ITPR3: variants seen among roughly 807,000 people sequenced by gnomAD.
ITPR3 encodes inositol 1,4,5-trisphosphate-gated calcium channel ITPR3.
Under a neutral mutation model 293.2 loss-of-function variants are expected in ITPR3, and 173 were observed. That is an observed-to-expected ratio of 0.59 (90% CI 0.52 to 0.67). The LOEUF (loss-of-function observed/expected upper bound fraction) is 0.67. ITPR3 is among the 30% of genes least tolerant of loss of function. ITPR3 has a pLI of 0.00. For synonymous variants in ITPR3, 1,295 were observed against 1,444.4 expected, an observed-to-expected ratio of 0.90 and a Z score of 2.35; for missense variants, 2,796 against 3,592.1, an observed-to-expected ratio of 0.78 and a Z score of 5.66.
chr6:33,649,517 G>A (rs578051318), intron 2 of ITPR3, among the ~76,000 whole-genome samples: 6 of 152,326 alleles, frequency 3.9e-5, no homozygotes, highest in Admixed American at 6.5e-5. Flanking sequence ...GAGCCACCGC[G>A]CCCAGCCTAT....
chr6:33,686,542 T>C, intron 43 of ITPR3, 23 bp downstream of exon 43: 4 of 1,564,446 alleles, frequency 2.6e-6, no homozygotes, highest in Non-Finnish European at 3.5e-6. Flanking sequence ...GGCAGGTGTG[T>C]GAGTGCTGGG....
chr6:33,665,095 A>G lies in ITPR3; in HGVS notation c.1291A>G (p.Ile431Val), dbSNP rs754159867. The change falls in exon 13 of 58, where the codon ATC becomes GTC. Residue 431 changes from isoleucine (I) to valine (V), a missense_variant. By Grantham distance (29) the Ile-to-Val change is conservative (BLOSUM62 3). Coordinates refer to ENST00000605930, the MANE Select transcript of ITPR3 (RefSeq NM_002224.4). ...CAAGGAGGACAAGGAGGCCTTTGCC[A>G]TCGTGTCAGTGCCCGTGTCTGAGAT... The part of the protein sequence containing the change: ...PTKEDKEAFA[I>V]VSVPVSEIRD... The G allele has an allele frequency of 1.4e-5, 22 of 1,613,938 alleles. No individual in the cohort carries two copies. The African/African-American group carries it at 2.9e-4, about 22-fold the overall frequency.
chr6:33,687,826 G>A lies in ITPR3; in HGVS notation c.6265-231G>A, dbSNP rs1355475501. 1.3e-5 allele frequency among the ~76,000 whole-genome samples: 2 copies of A among 152,146 alleles called. No homozygotes were observed. The highest frequency in any genetic ancestry group is 2.9e-5 in the Non-Finnish European group (2 of 68,014). ...GCTACACTTGGGCAGGACTGAGGAG[G>A]CCCCCGCTATCCTCTGGGATTCTCT... On this transcript the variant is annotated intron_variant, in intron 46 of 57. Coordinates refer to ENST00000605930, the MANE Select transcript of ITPR3 (RefSeq NM_002224.4). The surrounding 1 kb of genome is among the most constrained non-coding windows in gnomAD (Gnocchi z 5.3).
rs772326452 is a variant in ITPR3 at position 33,685,689 on chromosome 6, G to A, written c.5529G>A (p.Ser1843=). The A allele has an allele frequency of 3.7e-6, 6 of 1,601,976 alleles. No individual in the cohort carries two copies. The highest frequency in any genetic ancestry group is 1.1e-5 in the South Asian group (1 of 89,774). ...FSIPGSSSRY[S]LGPSLRRGHE... is the part of the protein sequence containing the mutation. ...TACCTGGCTCCTCATCCCGCTACTCGCTGGGCCCCAGCCTGCGCCGGGGGC... is the reference window on the plus strand; with the variant it reads ...TACCTGGCTCCTCATCCCGCTACTCACTGGGCCCCAGCCTGCGCCGGGGGC... The change falls in exon 41 of 58, where the codon TCG becomes TCA. Residue 1843 remains serine, a synonymous_variant. Coordinates refer to ENST00000605930, the MANE Select transcript of ITPR3 (RefSeq NM_002224.4).
intron 2 of ITPR3, among the ~76,000 whole-genome samples, chr6:33,647,720 A>G (rs975730526): frequency 1.3e-5 from 2 of 152,312 alleles, no homozygotes; most frequent in Non-Finnish European, 2.9e-5. Flanking sequence ...CATTCCACAC[A>G]TAGAGTTATG....
At chr6:33,648,546 T>C (rs1764119716) in intron 2 of ITPR3, among the ~76,000 whole-genome samples, 1 of 150,514 alleles carries the variant, frequency 6.6e-6, no homozygotes, top group South Asian at 2.1e-4. Flanking sequence ...CCTTTTTTTT[T>C]CTTCCTCATT....
intron 2 of ITPR3, among the ~76,000 whole-genome samples, chr6:33,648,724 C>T (rs968596633): frequency 2.0e-5 from 3 of 151,900 alleles, no homozygotes; most frequent in Non-Finnish European, 4.4e-5. Context: ...TCCCAAGTAG[C>T]TGGATCACAG....
intron 1 of ITPR3, among the ~76,000 whole-genome samples, chr6:33,622,811 G>A (rs1044730327): frequency 6.6e-6 from 1 of 152,166 alleles, no homozygotes. Context: ...GGGTTGCTGG[G>A]AGTTTAGCTT....
In ITPR3 at chr6:33,658,473, G is replaced by A. The variant is rs910177660; in HGVS notation, c.370-197G>A. On this transcript the variant is annotated intron_variant, in intron 4 of 57. Transcript: ENST00000605930. This position sits in a 1 kb window ranked among gnomAD's most constrained non-coding sequence, Gnocchi z 6.1. ...TGTGATCACCAGGGTGTCCATGGGG[G>A]TGTGCCTGTTGTGTGCACGTTTGTG... is the stretch of plus-strand genomic sequence containing the variant. 6.6e-6 allele frequency among the ~76,000 whole-genome samples: 1 copy of A among 152,198 alleles called. No individual in the cohort carries two copies. The highest frequency in any genetic ancestry group is 2.4e-5 in the African/African-American group (1 of 41,448).
intron 7 of ITPR3, 120 bp downstream of exon 7, chr6:33,659,669 C>T: frequency 1.3e-6 from 1 of 770,500 alleles, no homozygotes; most frequent in Admixed American, 2.2e-5. Context: ...AGCTTTGCAC[C>T]CCCCAGCCTC....
Position 33,684,833 on chromosome 6 carries a change from GC to G in ITPR3, c.5199del (p.Thr1734ProfsTer42). The G allele has an allele frequency of 6.2e-7, 1 of 1,614,024 alleles. No homozygotes were observed. The highest frequency in any genetic ancestry group is 8.5e-7 in the Non-Finnish European group (1 of 1,179,994). On this transcript the variant is annotated frameshift_variant, in exon 39 of 58. Coordinates refer to ENST00000605930, the MANE Select transcript of ITPR3 (RefSeq NM_002224.4). LOFTEE classifies it high-confidence loss of function. This position sits in a 1 kb window ranked among gnomAD's most constrained non-coding sequence, Gnocchi z 4.2. The stretch of plus-strand genomic sequence containing the variant: ...CCAGTGCCGGCTGGACAAGGAGGGG[GC>G]CACCAAGTTGGTATGCGACCTCATC... ...ATQCRLDKEG[A>X]TKLVCDLITS...
At chr6:33,623,354 T>C in intron 1 of ITPR3, among the ~76,000 whole-genome samples, 1 of 122,520 alleles carries the variant, frequency 8.2e-6, no homozygotes, top group African/African-American at 3.1e-5. Flanking sequence ...TAAGACAAGG[T>C]CTCACTTTCT....
chr6:33,671,886 G>A, intron 21 of ITPR3, 143 bp from the exon 22 acceptor site: 1 of 796,266 alleles, frequency 1.3e-6, no homozygotes, highest in Non-Finnish European at 2.0e-6. Context: ...TCCTGGGTTA[G>A]CCCTGTCCCT....
chr6:33,690,897 A>T lies in ITPR3; in HGVS notation c.7033-20A>T. 1.2e-6 allele frequency: 2 copies of T among 1,611,178 alleles called. No homozygotes were observed. The highest frequency in any genetic ancestry group is 2.2e-5 in the South Asian group (2 of 90,934). Reference sequence around the variant, plus strand: ...CCCAGCCCCTCAAGGTGCCATCCCTATCTCAACCCCATCCTGCAGCTCTTT... The same window carrying T: ...CCCAGCCCCTCAAGGTGCCATCCCTTTCTCAACCCCATCCTGCAGCTCTTT... On this transcript the variant is annotated intron_variant, in intron 51 of 57. Transcript: ENST00000605930.
At position 33,696,087 on chromosome 6, in the gene ITPR3, T is replaced by C; in HGVS notation, c.*307T>C. 1 of 360,984 alleles carries C rather than the reference T, an allele frequency of 2.8e-6. No homozygotes were observed. The highest frequency in any genetic ancestry group is 5.1e-6 in the Non-Finnish European group (1 of 196,174). The allele number at this position is 360,984 out of a possible 1,614,324, so 22.4% of individuals were successfully genotyped here. A position where few individuals can be genotyped will look rare whatever the true frequency, so the allele number is the denominator to read the frequency against. The stretch of plus-strand genomic sequence containing the variant: ...TCCTTAAAGCAATAACTGACAACTC[T>C]TTGTAGTCCTCCTTGTGGGTAGTTA... On this transcript the variant is annotated 3_prime_UTR_variant, in exon 58 of 58. Coordinates refer to ENST00000605930, the MANE Select transcript of ITPR3 (RefSeq NM_002224.4).
chr6:33,642,979 G>T (rs1291691304), intron 2 of ITPR3, among the ~76,000 whole-genome samples: 1 of 152,190 alleles, frequency 6.6e-6, no homozygotes, highest in South Asian at 2.1e-4. Context: ...TTTGGCTGGC[G>T]AGTACAAGTT....
chr6:33,665,681 G>A (rs1196383415), intron 13 of ITPR3, among the ~76,000 whole-genome samples, 154 bp from the exon 14 acceptor site: 3 of 150,826 alleles, frequency 2.0e-5, no homozygotes, highest in East Asian at 1.9e-4. Flanking sequence ...GGGGAAAGCC[G>A]GGAAGAGGAA....
In ITPR3 at chr6:33,675,743, C is replaced by G; in HGVS notation, c.3169C>G (p.Arg1057Gly). Residue 1057 changes from arginine (R) to glycine (G), a missense_variant, in exon 25 of 58, where the codon CGC becomes GGC. Around this residue, in one of 8 missense-constraint regions of ITPR3, gnomAD observed 955 missense variants for 1,180.8 expected, o/e 0.81. Transcript: ENST00000605930. This position sits in a 1 kb window ranked among gnomAD's most constrained non-coding sequence, Gnocchi z 5.0. ...VDDEGGRMFL[R>G]VLIHLTMHDY... Reference sequence around the variant, plus strand: ...TGACGAGGGCGGCCGCATGTTCCTGCGCGTGCTCATCCACCTCACCATGCA... The same window carrying G: ...TGACGAGGGCGGCCGCATGTTCCTGGGCGTGCTCATCCACCTCACCATGCA... 4 of 1,612,992 alleles carry G rather than the reference C, an allele frequency of 2.5e-6. No homozygotes were observed. Among genetic ancestry groups the G allele is most frequent in the Non-Finnish European group, 3.4e-6 (4 of 1,179,834 alleles).
At position 33,684,979 on chromosome 6, in the gene ITPR3, T is replaced by G. The variant is rs199500525; in HGVS notation, c.5307+36T>G. ...CCTGGGGCCTGGACATGCCCTCCTT[T>G]GCCTCCCTCCCTTTTTGGAGGAGGT... On this transcript the variant is annotated intron_variant, in intron 39 of 57. Coordinates refer to ENST00000605930, the MANE Select transcript of ITPR3 (RefSeq NM_002224.4). This position sits in a 1 kb window ranked among gnomAD's most constrained non-coding sequence, Gnocchi z 4.2. 10 of 1,572,512 alleles carry G rather than the reference T, an allele frequency of 6.4e-6. No individual in the cohort carries two copies. Among genetic ancestry groups the G allele is most frequent in the Non-Finnish European group, 8.6e-6 (10 of 1,156,548 alleles).
Sources: allele counts gnomAD v4.1 joint callset (sites outside exome capture counted in the v4.1 genomes callset), GRCh38; gene constraint gnomAD v4.1.1; regional missense constraint gnomAD v4.1.1; non-coding constraint Gnocchi (gnomAD v3.1); transcripts MANE v1.5; gene names NCBI Gene and HGNC (gene_info 2026-07-23, HGNC 2026-07-21).